The following SSBP2 variants were observed in gnomAD, a reference collection of about 807,000 sequenced individuals.
SSBP2 encodes single stranded DNA binding protein 2, also known as single-stranded DNA-binding protein 2.
SSBP2 carries 17 observed loss-of-function variants against 61.8 expected under a neutral mutation model. That is an observed-to-expected ratio of 0.28 (90% CI 0.19 to 0.41). The LOEUF (loss-of-function observed/expected upper bound fraction) is 0.41. Ranked by LOEUF, SSBP2 falls within the 10% of genes least tolerant of loss-of-function variation. The pLI, the probability that SSBP2 is intolerant of heterozygous loss-of-function variation, is 1.00. For synonymous variants in SSBP2, 139 were observed against 141.3 expected (o/e 0.98, Z 0.12); for missense variants, 310 against 458.7 (o/e 0.68, Z 2.96).
intron 5 of SSBP2, 48 bp downstream of exon 5, chr5:81,513,580 C>CAGG: frequency 8.9e-7 from 1 of 1,127,046 alleles, no homozygotes; most frequent in Non-Finnish European, 1.3e-6. Context: ...TAAAATCAAA[C>CAGG]AGGAGTTCCT....
chr5:81,595,020 C>CA (rs1254308390), intron 4 of SSBP2, among the ~76,000 whole-genome samples: 2 of 151,996 alleles, frequency 1.3e-5, no homozygotes, highest in East Asian at 1.9e-4. Flanking sequence ...AATAGAGACA[C>CA]AAAAAACCCT....
At chr5:81,533,192 A>T (rs1046423231) in intron 4 of SSBP2, among the ~76,000 whole-genome samples, 2 of 152,040 alleles carry the variant, frequency 1.3e-5, no homozygotes, top group African/African-American at 4.8e-5. Context: ...ATGTTATCTG[A>T]CCATAATATA....
rs73133666 is a variant in SSBP2, at chr5:81,509,010, T to C, written c.372+4618A>G. Among the ~76,000 whole-genome samples, 793 of 152,314 alleles carry C rather than the reference T, an allele frequency of 5.2e-3. 9 individuals carry two copies. Among genetic ancestry groups the C allele is most frequent in the African/African-American group, 0.018 (761 of 41,568 alleles). On this transcript the variant is annotated intron_variant, in intron 5 of 16. Coordinates refer to ENST00000320672, the MANE Select transcript of SSBP2 (RefSeq NM_012446.5). ...ATATAAGTTTAAAATATTATCATTA[T>C]CTAAAAGTCAAAGGCAATAGGAGGT...
chr5:81,671,377 C>T (rs1751564151), intron 1 of SSBP2, among the ~76,000 whole-genome samples: 1 of 152,020 alleles, frequency 6.6e-6, no homozygotes, highest in African/African-American at 2.4e-5. Context: ...TTATTCCTCT[C>T]TTCATTAGTC....
At chr5:81,448,640 T>C (rs757674935) in intron 11 of SSBP2, 150 bp downstream of exon 11, 1 of 725,630 alleles carries the variant, frequency 1.4e-6, no homozygotes, top group South Asian at 1.6e-5. Flanking sequence ...AACATCAACA[T>C]ATGTACTGAG....
intron 4 of SSBP2, among the ~76,000 whole-genome samples, chr5:81,567,111 A>G (rs569322230): frequency 6.6e-6 from 1 of 152,334 alleles, no homozygotes; most frequent in African/African-American, 2.4e-5. Context: ...AAATTTGCAT[A>G]AGTAACAAGG....
chr5:81,447,037 CTAATT>C, intron 11 of SSBP2, 115 bp from the exon 12 acceptor site: 1 of 678,780 alleles, frequency 1.5e-6, no homozygotes, highest in East Asian at 3.1e-5. Context: ...TATATTTTCT[CTAATT>C]TATTTTCTTT....
chr5:81,471,862 T>A (rs1452078869), intron 8 of SSBP2, among the ~76,000 whole-genome samples: 1 of 151,894 alleles, frequency 6.6e-6, no homozygotes, highest in Non-Finnish European at 1.5e-5. Context: ...CTCCAAAAAG[T>A]CTGGCTAAAT....
chr5:81,591,856 G>A (rs1775530164), intron 4 of SSBP2, among the ~76,000 whole-genome samples: 1 of 151,926 alleles, frequency 6.6e-6, no homozygotes, highest in African/African-American at 2.4e-5. Flanking sequence ...CAGAGAGGAG[G>A]AGCCAAGATG....
intron 1 of SSBP2, among the ~76,000 whole-genome samples, chr5:81,750,007 C>T (rs1384452811): frequency 6.6e-6 from 1 of 152,010 alleles, no homozygotes; most frequent in African/African-American, 2.4e-5. Flanking sequence ...CCCACAACTC[C>T]CCTCCGCGCG....
At chr5:81,459,514 G>A (rs1239059139) in intron 10 of SSBP2, among the ~76,000 whole-genome samples, 1 of 152,108 alleles carries the variant, frequency 6.6e-6, no homozygotes, top group African/African-American at 2.4e-5. Flanking sequence ...ATAAGAGAAT[G>A]GTTTTTGTGC....
chr5:81,701,280 A>AT (rs1347351491), intron 1 of SSBP2, among the ~76,000 whole-genome samples: 1 of 152,170 alleles, frequency 6.6e-6, no homozygotes, highest in Non-Finnish European at 1.5e-5. Flanking sequence ...TATCAATTAT[A>AT]TTCTCCATCT....
At chr5:81,524,866 G>C (rs756414333) in intron 4 of SSBP2, among the ~76,000 whole-genome samples, 2 of 151,992 alleles carry the variant, frequency 1.3e-5, no homozygotes, top group Non-Finnish European at 2.9e-5. Flanking sequence ...CTCTAACTCT[G>C]CCTTCCTCTC....
rs571666080 is a variant in SSBP2, at chr5:81,596,075, A to T, written c.282+19398T>A. Among the ~76,000 whole-genome samples the T allele has an allele frequency of 4.1e-4, 63 of 152,320 alleles. 1 individual carries two copies. Among genetic ancestry groups the T allele is most frequent in the African/African-American group, 1.3e-3 (53 of 41,574 alleles). ...CCCTGTTTGCAGACGACATGATTGT[A>T]TATCTAGAAAACCCCAACGTCTCAG... On this transcript the variant is annotated intron_variant, in intron 4 of 16. Transcript: ENST00000320672.
intron 1 of SSBP2, among the ~76,000 whole-genome samples, chr5:81,729,792 TG>T (rs1756131721): frequency 6.6e-6 from 1 of 152,162 alleles, no homozygotes; most frequent in South Asian, 2.1e-4. Flanking sequence ...AGATACAATG[TG>T]GTATTTTCAT....
chr5:81,732,790 C>G (rs190829198), intron 1 of SSBP2, among the ~76,000 whole-genome samples: 72 of 152,130 alleles, frequency 4.7e-4, no homozygotes, highest in African/African-American at 1.6e-3. Context: ...TATCTTATAC[C>G]CTTTCTAGTA....
At chr5:81,732,724 T>C (rs1396566185) in intron 1 of SSBP2, among the ~76,000 whole-genome samples, 3 of 152,176 alleles carry the variant, frequency 2.0e-5, no homozygotes, top group African/African-American at 7.2e-5. Flanking sequence ...ACAGAAGAAA[T>C]TGTGACTACA....
At chr5:81,443,655 C>T (rs760494458) in intron 12 of SSBP2, among the ~76,000 whole-genome samples, 2 of 152,116 alleles carry the variant, frequency 1.3e-5, no homozygotes, top group African/African-American at 4.8e-5. Flanking sequence ...CTCCGCCTCC[C>T]GGGTTCAAGC....
intron 2 of SSBP2, among the ~76,000 whole-genome samples, chr5:81,643,775 G>A (rs1026341071): frequency 5.9e-5 from 9 of 151,436 alleles, no homozygotes; most frequent in African/African-American, 2.2e-4. Flanking sequence ...GCTAATTTTC[G>A]TATTTTTAGT....
Sources: gnomAD v4.1 joint callset for allele counts (sites outside exome capture counted in the v4.1 genomes callset) on GRCh38, gnomAD v4.1.1 for gene constraint, MANE v1.5 for transcripts, NCBI Gene and HGNC (gene_info 2026-07-23, HGNC 2026-07-21) for gene names.